Variants in PLPP1 observed in about 807,000 individuals in gnomAD.
PLPP1 encodes the protein phospholipid phosphatase 1, also known as lipid phosphate phosphohydrolase 1a.
In PLPP1, 24 loss-of-function variants were observed where a neutral mutation model predicts 31.2. That is an observed-to-expected ratio of 0.77 (90% CI 0.56 to 1.08). The LOEUF (loss-of-function observed/expected upper bound fraction) is 1.08. PLPP1 is among the 50% of genes least tolerant of loss of function. PLPP1 has a pLI of 0.00. For missense variants in PLPP1, 319 were observed against 342.7 expected, an observed-to-expected ratio of 0.93 and a Z score of 0.55; for synonymous variants, 146 against 126.3, an observed-to-expected ratio of 1.16 and a Z score of -1.05.
chr5:55,477,187 A>G (rs1752569167), intron 1 of PLPP1, among the ~76,000 whole-genome samples: 4 of 152,162 alleles, frequency 2.6e-5, no homozygotes, highest in Non-Finnish European at 5.9e-5. Flanking sequence ...TACATATACC[A>G]TGGTTACAAT....
intron 1 of PLPP1, among the ~76,000 whole-genome samples, chr5:55,500,368 C>T (rs549674960): frequency 6.6e-6 from 1 of 152,254 alleles, no homozygotes; most frequent in East Asian, 1.9e-4. Flanking sequence ...CGTGAGCCAC[C>T]ACGCCTGGCC....
chr5:55,463,752 GCCTGGACAACAAAGCAAGAC>G (rs1351952943), intron 3 of PLPP1, among the ~76,000 whole-genome samples: 1 of 150,512 alleles, frequency 6.6e-6, no homozygotes, highest in African/African-American at 2.5e-5. Flanking sequence ...TTCAAAAACA[GCCTGGACAACAAAGCAAGAC>G]CCTGTCCCAT....
intron 4 of PLPP1, among the ~76,000 whole-genome samples, chr5:55,430,114 T>G (rs1394858008): frequency 6.6e-6 from 1 of 152,100 alleles, no homozygotes; most frequent in African/African-American, 2.4e-5. Flanking sequence ...GCCTGGGGAC[T>G]AGCCACCCAG....
At chr5:55,528,225 A>AAAG (rs2111955211) in intron 1 of PLPP1, among the ~76,000 whole-genome samples, 1 of 152,332 alleles carries the variant, frequency 6.6e-6, no homozygotes, top group South Asian at 2.1e-4. Context: ...AAGAAAAAAA[A>AAAG]AAGCAGCAGC....
At position 55,534,790 on chromosome 5, in the gene PLPP1, G is replaced by GGC. The variant is rs1477336747; in HGVS notation, c.-163_-162dup. ...AGCCGAGGGCGGGCTGAGACCGGGC[G>GGC]GCGCTCCCACCGCCAGCAATGGCGC... On this transcript the variant is annotated 5_prime_UTR_variant, in exon 1 of 6. Coordinates refer to ENST00000307259, the MANE Select transcript of PLPP1 (RefSeq NM_003711.4). The GGC allele has an allele frequency of 9.9e-6, 7 of 710,284 alleles. No individual in the cohort carries two copies. The highest frequency in any genetic ancestry group is 1.1e-5 in the Non-Finnish European group (5 of 464,850). 44.0% of individuals were successfully genotyped at this position (710,284 alleles called of 1,614,324 possible). A position where few individuals can be genotyped will look rare whatever the true frequency, so the allele number is the denominator to read the frequency against.
At chr5:55,463,178 C>T (rs998927399) in intron 3 of PLPP1, among the ~76,000 whole-genome samples, 7 of 151,846 alleles carry the variant, frequency 4.6e-5, no homozygotes, top group Admixed American at 4.6e-4. Flanking sequence ...ACACCGGGGC[C>T]TGTCAGGGGG....
At chr5:55,523,744 T>TC (rs2111943224) in intron 1 of PLPP1, among the ~76,000 whole-genome samples, 1 of 152,340 alleles carries the variant, frequency 6.6e-6, no homozygotes, top group South Asian at 2.1e-4. Context: ...GCCCTTTTCT[T>TC]CTTTTGCCCT....
chr5:55,529,358 AG>A (rs1409249562), intron 1 of PLPP1, among the ~76,000 whole-genome samples: 20 of 152,132 alleles, frequency 1.3e-4, no homozygotes, highest in African/African-American at 3.6e-4. Context: ...TCTAGAATAC[AG>A]TAATACCAAC....
chr5:55,534,462 A>T, intron 1 of PLPP1, 110 bp downstream of exon 1: 1 of 1,168,610 alleles, frequency 8.6e-7, no homozygotes, highest in Non-Finnish European at 1.1e-6. Flanking sequence ...GTGTCGCCCC[A>T]CAGCTGCGCA....
chr5:55,498,293 G>C (rs1220604686), intron 1 of PLPP1, among the ~76,000 whole-genome samples: 2 of 151,988 alleles, frequency 1.3e-5, no homozygotes, highest in Non-Finnish European at 2.9e-5. Context: ...GAGATGTTAA[G>C]GGCCTGAAAC....
intron 1 of PLPP1, among the ~76,000 whole-genome samples, chr5:55,499,802 G>T (rs1348038951): frequency 2.0e-5 from 3 of 151,844 alleles, no homozygotes; most frequent in Non-Finnish European, 4.4e-5. Flanking sequence ...TAAGGTACTT[G>T]CATATATACC....
At chr5:55,532,252 T>C (rs1001590594) in intron 1 of PLPP1, among the ~76,000 whole-genome samples, 1 of 152,222 alleles carries the variant, frequency 6.6e-6, no homozygotes, top group Non-Finnish European at 1.5e-5. Context: ...AGATCTACCA[T>C]ATGGCTTTGT....
rs542445045 is a variant in PLPP1 at position 55,426,285 on chromosome 5, T to TACAA, written c.550-250_550-247dup. 2.8e-4 allele frequency among the ~76,000 whole-genome samples: 43 copies of TACAA among 152,332 alleles called. 1 individual carries two copies. In the South Asian group the frequency reaches 8.1e-3, roughly 29 times the overall value. ...TAGCTATACCACCCTTCAAACTGTA[T>TACAA]ACAAACAGGTGTTTCCTTGTTTATG... On this transcript the variant is annotated intron_variant, in intron 4 of 5. Transcript: ENST00000307259.
chr5:55,465,430 A>C (rs1752268382), intron 3 of PLPP1, among the ~76,000 whole-genome samples: 1 of 152,214 alleles, frequency 6.6e-6, no homozygotes, highest in Non-Finnish European at 1.5e-5. Flanking sequence ...AGATGGAAGA[A>C]GAAATCATGA....
intron 3 of PLPP1, among the ~76,000 whole-genome samples, chr5:55,445,079 GATGTT>G (rs895838468): frequency 3.3e-5 from 5 of 152,094 alleles, no homozygotes; most frequent in African/African-American, 1.2e-4. Flanking sequence ...GCAACTTTAT[GATGTT>G]TTTTTCCTCA....
intron 1 of PLPP1, among the ~76,000 whole-genome samples, chr5:55,493,985 C>T (rs750206540): frequency 2.2e-4 from 34 of 151,922 alleles, no homozygotes; most frequent in Non-Finnish European, 4.0e-4. Context: ...TTCGAGGCTA[C>T]GGTGAGCCAT....
At chr5:55,447,962 T>C (rs1490586935) in intron 3 of PLPP1, among the ~76,000 whole-genome samples, 1 of 152,236 alleles carries the variant, frequency 6.6e-6, no homozygotes, top group African/African-American at 2.4e-5. Context: ...TGTTATTTCC[T>C]GATTATAAAG....
At chr5:55,514,872 G>A (rs1006463956) in intron 1 of PLPP1, among the ~76,000 whole-genome samples, 1 of 152,178 alleles carries the variant, frequency 6.6e-6, no homozygotes, top group African/African-American at 2.4e-5. Flanking sequence ...TTGAGGCTAA[G>A]AGCAAACTTA....
intron 4 of PLPP1, among the ~76,000 whole-genome samples, chr5:55,429,059 C>G (rs1389816414): frequency 6.6e-6 from 1 of 152,138 alleles, no homozygotes; most frequent in Non-Finnish European, 1.5e-5. Flanking sequence ...AGGCATCACC[C>G]AGAGACCTGC....
Sources: gnomAD v4.1 joint callset for allele counts (sites outside exome capture counted in the v4.1 genomes callset) on GRCh38, gnomAD v4.1.1 for gene constraint, MANE v1.5 for transcripts, NCBI Gene and HGNC (gene_info 2026-07-23, HGNC 2026-07-21) for gene names.